Variants in CORO2B observed in about 807,000 individuals in gnomAD.
The protein encoded by CORO2B is coronin 2B.
A neutral mutation model predicts 58.8 loss-of-function variants in CORO2B; 26 were observed. The ratio of observed to expected loss-of-function variants is 0.44; its 90% CI spans 0.32 to 0.61. CORO2B has a LOEUF of 0.61. CORO2B is among the 20% of genes least tolerant of loss of function. The pLI is 0.04. For missense variants in CORO2B, 460 were observed against 645.1 expected, an observed-to-expected ratio of 0.71 and a Z score of 3.11; for synonymous variants, 242 against 253.8, an observed-to-expected ratio of 0.95 and a Z score of 0.44.
intron 3 of CORO2B, among the ~76,000 whole-genome samples, chr15:68,706,627 C>A (rs890623989): frequency 6.6e-6 from 1 of 152,224 alleles, no homozygotes; most frequent in African/African-American, 2.4e-5. Context: ...ATATCTCTTC[C>A]CTTTGAGTCT....
chr15:68,540,843 C>A, the CORO2B span, among the ~76,000 whole-genome samples: 1 of 152,084 alleles, frequency 6.6e-6, no homozygotes. Context: ...ACGCTAAAAG[C>A]ACCAGCAGTT....
chr15:68,566,558 G>T, the CORO2B span, among the ~76,000 whole-genome samples: 1 of 152,090 alleles, frequency 6.6e-6, no homozygotes, highest in East Asian at 1.9e-4. Flanking sequence ...GATACCCGGC[G>T]GACTCTTCAT....
chr15:68,632,871 C>G (rs1425950880), intron 1 of CORO2B, among the ~76,000 whole-genome samples: 1 of 152,196 alleles, frequency 6.6e-6, no homozygotes, highest in East Asian at 1.9e-4. Context: ...GGATTACAGG[C>G]GTGAGCCACC....
chr15:68,712,576 C>T (rs1486998560), intron 5 of CORO2B, among the ~76,000 whole-genome samples: 2 of 152,078 alleles, frequency 1.3e-5, no homozygotes, highest in Non-Finnish European at 2.9e-5. Flanking sequence ...CTTCTGGGCC[C>T]AAGCACTTCA....
chr15:68,672,023 T>TAGG (rs1902412696), intron 2 of CORO2B, among the ~76,000 whole-genome samples: 1 of 152,042 alleles, frequency 6.6e-6, no homozygotes, highest in Non-Finnish European at 1.5e-5. Context: ...TGGAAGCCCT[T>TAGG]GAGAGCATGA....
rs77908336 is a variant in CORO2B at position 68,619,472 on chromosome 15, C to T, written c.16-25688C>T. On this transcript the variant is annotated intron_variant, in intron 1 of 11. Transcript: ENST00000261861. ...ACTGTCTTATCATCCCCTGGGGCTT[C>T]TGTCGTGGTGCTGGTGCCAGGTGCG... Among the ~76,000 whole-genome samples, 997 of 152,272 alleles carry T rather than the reference C, an allele frequency of 6.5e-3. 10 individuals are homozygous for T. Among genetic ancestry groups the T allele is most frequent in the African/African-American group, 0.023 (943 of 41,546 alleles).
Position 68,605,725 on chromosome 15 carries a change from T to G in CORO2B, c.15+26448T>G, listed in dbSNP as rs937208337. ...AGGGCTCTTGGGTTTTTTTTTTTTT[T>G]TTTTTTTTTTTTTTTGAGATGGAGT... On this transcript the variant is annotated intron_variant, in intron 1 of 11. Transcript: ENST00000261861. Among the ~76,000 whole-genome samples the G allele has an allele frequency of 1.0e-4, 14 of 138,926 alleles. 1 individual carries two copies. In the Middle Eastern group the frequency reaches 9.9e-3, roughly 99 times the overall value. The allele number at this position is 138,926 out of a possible 152,430, so 91.1% of individuals were successfully genotyped here.
chr15:68,684,688 C>A (rs763828253), intron 2 of CORO2B, among the ~76,000 whole-genome samples: 32 of 152,236 alleles, frequency 2.1e-4, no homozygotes, highest in Non-Finnish European at 4.3e-4. Flanking sequence ...CTGGTTCTGT[C>A]ACTGCCAAGT....
the CORO2B span, among the ~76,000 whole-genome samples, chr15:68,551,477 A>G: frequency 2.0e-5 from 3 of 152,060 alleles, no homozygotes; most frequent in African/African-American, 7.2e-5. Context: ...GGCTGTCCCC[A>G]AGCTGGGCCT....
the CORO2B span, among the ~76,000 whole-genome samples, chr15:68,535,684 G>A: frequency 1.7e-4 from 26 of 152,274 alleles, no homozygotes; most frequent in Admixed American, 1.3e-4. Context: ...ATCTTAATTT[G>A]GGAGGACACA....
chr15:68,594,416 GCT>G (rs1899778163), intron 1 of CORO2B, among the ~76,000 whole-genome samples: 1 of 152,224 alleles, frequency 6.6e-6, no homozygotes, highest in South Asian at 2.1e-4. Flanking sequence ...GTGCTCTCCA[GCT>G]CTCACCAGGT....
chr15:68,541,508 T>C, the CORO2B span, among the ~76,000 whole-genome samples: 19 of 151,880 alleles, frequency 1.3e-4, no homozygotes, highest in Non-Finnish European at 1.9e-4. Context: ...CACAAGGTGA[T>C]AATAAGCTGA....
chr15:68,532,410 C>T, the CORO2B span, among the ~76,000 whole-genome samples: 1 of 152,084 alleles, frequency 6.6e-6, no homozygotes, highest in African/African-American at 2.4e-5. Context: ...ATGTTTTCTT[C>T]TCATCTGTTC....
At chr15:68,546,935 C>T in the CORO2B span, among the ~76,000 whole-genome samples, 1 of 152,054 alleles carries the variant, frequency 6.6e-6, no homozygotes, top group East Asian at 1.9e-4. Flanking sequence ...ATCTTACGTA[C>T]CAATGGATTT....
chr15:68,718,809 G>T lies in CORO2B; in HGVS notation c.1079G>T (p.Arg360Met). The T allele has an allele frequency of 1.2e-6, 2 of 1,612,560 alleles. No individual in the cohort carries two copies. The highest frequency in any genetic ancestry group is 1.7e-6 in the Non-Finnish European group (2 of 1,178,656). ...CCCATCTCCATGATCGTGCCCCGGAGGGTAAGTGGGGCTGGGCTGGGCTCC... is the reference window on the plus strand; with the variant it reads ...CCCATCTCCATGATCGTGCCCCGGATGGTAAGTGGGGCTGGGCTGGGCTCC... ...IEPISMIVPR[R>M]SDSYQEDIYP... is the part of the protein sequence containing the mutation. The change falls in exon 9 of 12, where the codon AGG (arginine) becomes ATG (methionine). Residue 360 changes from arginine (R) to methionine (M), a missense_variant and splice_region_variant. Around this residue, in one of 2 missense-constraint regions of CORO2B, gnomAD observed 352 missense variants for 543.0 expected, o/e 0.65. Transcript: ENST00000261861.
intron 5 of CORO2B, among the ~76,000 whole-genome samples, chr15:68,712,467 T>C (rs899416054): frequency 5.3e-5 from 8 of 152,290 alleles, no homozygotes; most frequent in Non-Finnish European, 1.2e-4. Flanking sequence ...GAAATGCTCA[T>C]TGGAACATTT....
At chr15:68,585,679 T>C (rs1899535686) in intron 1 of CORO2B, among the ~76,000 whole-genome samples, 1 of 152,124 alleles carries the variant, frequency 6.6e-6, no homozygotes, top group African/African-American at 2.4e-5. Flanking sequence ...CTATTGTCTG[T>C]TGTGTTTGTG....
intron 2 of CORO2B, among the ~76,000 whole-genome samples, chr15:68,648,437 G>A (rs1386309513): frequency 6.6e-6 from 1 of 151,992 alleles, no homozygotes; most frequent in Non-Finnish European, 1.5e-5. Context: ...ACAAGGTCAG[G>A]AGATCAAGAC....
intron 2 of CORO2B, among the ~76,000 whole-genome samples, chr15:68,673,995 A>T (rs373133568): frequency 7.2e-5 from 11 of 152,286 alleles, no homozygotes; most frequent in African/African-American, 2.6e-4. Context: ...CTTATGGCAA[A>T]AGTTAGAAGG....
Sources: allele counts gnomAD v4.1 joint callset (sites outside exome capture counted in the v4.1 genomes callset), GRCh38; gene constraint gnomAD v4.1.1; regional missense constraint gnomAD v4.1.1; transcripts MANE v1.5; gene names NCBI Gene and HGNC (gene_info 2026-07-23, HGNC 2026-07-21).